DLG2: variants seen among roughly 807,000 people sequenced by gnomAD.
DLG2 encodes the protein disks large homolog 2.
A neutral mutation model predicts 132.5 loss-of-function variants in DLG2; 45 were observed. The observed-to-expected ratio is 0.34, with a 90% CI of 0.27 to 0.44. The LOEUF (loss-of-function observed/expected upper bound fraction) is 0.44, where lower values mean the gene tolerates loss of function less well. Ranked by LOEUF, DLG2 falls within the 20% of genes least tolerant of loss-of-function variation. The pLI is 1.00. For synonymous variants in DLG2, 424 were observed against 419.6 expected, an observed-to-expected ratio of 1.01 and a Z score of -0.13; for missense variants, 1,045 against 1,196.9, an observed-to-expected ratio of 0.87 and a Z score of 1.87.
chr11:85,040,395 C>T (rs918814580), intron 6 of DLG2, among the ~76,000 whole-genome samples: 4 of 151,944 alleles, frequency 2.6e-5, no homozygotes, highest in African/African-American at 9.7e-5. Flanking sequence ...ATACAAGTCA[C>T]ATTTGACTAT....
intron 18 of DLG2, among the ~76,000 whole-genome samples, chr11:83,699,359 T>C (rs991232022): frequency 1.3e-5 from 2 of 152,120 alleles, no homozygotes; most frequent in Non-Finnish European, 2.9e-5. Context: ...AAGCTTTCTA[T>C]GTACTGATAC....
At chr11:84,840,053 A>C (rs1473404064) in intron 6 of DLG2, among the ~76,000 whole-genome samples, 1 of 152,146 alleles carries the variant, frequency 6.6e-6, no homozygotes, top group African/African-American at 2.4e-5. Context: ...TGAACAGGCA[A>C]CCTACAGAAT....
chr11:83,850,168 A>C (rs55746528), intron 16 of DLG2, among the ~76,000 whole-genome samples: 122,056 of 145,328 alleles, frequency 0.84, 51,674 homozygotes, highest in African/African-American at 0.95. Flanking sequence ...GTGTTTTTTT[A>C]CTTGAGACGG....
At position 83,577,738 on chromosome 11, in the gene DLG2, G is replaced by A. The variant is rs867662668; in HGVS notation, c.1941-35880C>T. 1.9e-3 allele frequency among the ~76,000 whole-genome samples: 222 copies of A among 118,158 alleles called. 1 individual carries two copies. Among genetic ancestry groups the A allele is most frequent in the Non-Finnish European group, 2.9e-3 (175 of 60,374 alleles). The allele number at this position is 118,158 out of a possible 152,430, so 77.5% of individuals were successfully genotyped here. A position where few individuals can be genotyped will look rare whatever the true frequency, so the allele number is the denominator to read the frequency against. On this transcript the variant is annotated intron_variant, in intron 19 of 27. Transcript: ENST00000376104. The stretch of plus-strand genomic sequence containing the variant: ...TAATTATTAAATTATCCTATAAATA[G>A]GATATTATAAATATATAATTATTAA...
chr11:83,466,965 A>G, intron 25 of DLG2, 148 bp from the exon 26 acceptor site: 1 of 580,214 alleles, frequency 1.7e-6, no homozygotes, highest in Non-Finnish European at 3.1e-6. Context: ...AGAGTAAATA[A>G]AAATCGATAT....
intron 6 of DLG2, among the ~76,000 whole-genome samples, chr11:84,856,838 G>A (rs1414785999): frequency 1.3e-5 from 2 of 151,912 alleles, no homozygotes; most frequent in Admixed American, 6.6e-5. Context: ...GCCTTGCTGC[G>A]GTTCTTGTTA....
chr11:83,755,121 AAAG>A (rs922230859), intron 18 of DLG2, among the ~76,000 whole-genome samples: 2 of 151,384 alleles, frequency 1.3e-5, no homozygotes, highest in African/African-American at 4.9e-5. Context: ...ACCTTATTTC[AAAG>A]AAGATTGTGT....
intron 18 of DLG2, among the ~76,000 whole-genome samples, chr11:83,641,648 G>A (rs1355124168): frequency 6.6e-6 from 1 of 152,132 alleles, no homozygotes; most frequent in African/African-American, 2.4e-5. Flanking sequence ...GCACTGGAAT[G>A]CTCACCTCCG....
At chr11:83,583,920 C>T (rs1343997736) in intron 19 of DLG2, among the ~76,000 whole-genome samples, 2 of 152,126 alleles carry the variant, frequency 1.3e-5, no homozygotes, top group African/African-American at 4.8e-5. Context: ...CCAAGAATGA[C>T]AGAATTTTGG....
At chr11:85,212,513 C>T (rs2082318632) in intron 4 of DLG2, among the ~76,000 whole-genome samples, 1 of 152,036 alleles carries the variant, frequency 6.6e-6, no homozygotes, top group African/African-American at 2.4e-5. Flanking sequence ...AGGAAAACAA[C>T]CATTAATATT....
chr11:84,313,681 G>GAAAGAA (rs1555500654), intron 7 of DLG2, among the ~76,000 whole-genome samples: 1 of 148,988 alleles, frequency 6.7e-6, no homozygotes, highest in Non-Finnish European at 1.5e-5. Flanking sequence ...AAGAAAGAAA[G>GAAAGAA]AAAGAAAAAG....
chr11:84,963,665 T>C (rs1161233977), intron 6 of DLG2, among the ~76,000 whole-genome samples: 1 of 152,208 alleles, frequency 6.6e-6, no homozygotes, highest in Non-Finnish European at 1.5e-5. Flanking sequence ...ATGATTCATA[T>C]GAAGGCATGC....
chr11:83,477,638 ACT>A (rs2092719836), intron 22 of DLG2, among the ~76,000 whole-genome samples: 1 of 152,070 alleles, frequency 6.6e-6, no homozygotes, highest in African/African-American at 2.4e-5. Flanking sequence ...TTTGTTTCTA[ACT>A]CTGAATTATT....
chr11:83,704,758 C>T (rs986490996), intron 18 of DLG2, among the ~76,000 whole-genome samples: 7 of 151,936 alleles, frequency 4.6e-5, no homozygotes, highest in African/African-American at 1.7e-4. Context: ...ACCTGGAAGG[C>T]GGAGGTGGCA....
At chr11:85,076,711 T>C (rs959261840) in intron 6 of DLG2, among the ~76,000 whole-genome samples, 1 of 152,002 alleles carries the variant, frequency 6.6e-6, no homozygotes, top group African/African-American at 2.4e-5. Context: ...TAAAAGGGAC[T>C]ACAGAGAAGC....
intron 18 of DLG2, among the ~76,000 whole-genome samples, chr11:83,638,694 C>G (rs1294536150): frequency 6.6e-6 from 1 of 152,154 alleles, no homozygotes; most frequent in Admixed American, 6.5e-5. Flanking sequence ...GATGGCCATA[C>G]TTTGGGACAC....
intron 3 of DLG2, among the ~76,000 whole-genome samples, chr11:85,392,538 T>C (rs958767224): frequency 6.6e-6 from 1 of 150,860 alleles, no homozygotes; most frequent in African/African-American, 2.4e-5. Flanking sequence ...AAAGAACAAA[T>C]CTGGAGGCAT....
At chr11:84,961,484 C>A (rs572934071) in intron 6 of DLG2, among the ~76,000 whole-genome samples, 2 of 151,116 alleles carry the variant, frequency 1.3e-5, no homozygotes, top group African/African-American at 4.9e-5. Context: ...TTTTGCTTAG[C>A]TATTGTCCCT....
chr11:85,054,656 T>C (rs1359325341), intron 6 of DLG2, among the ~76,000 whole-genome samples: 1 of 152,216 alleles, frequency 6.6e-6, no homozygotes, highest in Non-Finnish European at 1.5e-5. Context: ...ATGTGCTACA[T>C]GCACACCATG....
Sources: allele counts gnomAD v4.1 joint callset (sites outside exome capture counted in the v4.1 genomes callset), GRCh38; gene constraint gnomAD v4.1.1; transcripts MANE v1.5; gene names NCBI Gene and HGNC (gene_info 2026-07-23, HGNC 2026-07-21).